The following DLG2 variants were observed in gnomAD, a reference collection of about 807,000 sequenced individuals.
The protein encoded by DLG2 is discs large MAGUK scaffold protein 2, also known as disks large homolog 2.
DLG2 carries 45 observed loss-of-function variants against 132.5 expected under a neutral mutation model. The ratio of observed to expected loss-of-function variants is 0.34; its 90% CI spans 0.27 to 0.44. The LOEUF (loss-of-function observed/expected upper bound fraction) is 0.44. DLG2 is among the 20% of genes least tolerant of loss of function. The pLI, the probability that DLG2 is intolerant of heterozygous loss-of-function variation, is 1.00. For synonymous variants in DLG2, 424 were observed against 419.6 expected, an observed-to-expected ratio of 1.01 and a Z score of -0.13; for missense variants, 1,045 against 1,196.9, an observed-to-expected ratio of 0.87 and a Z score of 1.87.
chr11:85,142,262 G>GC (rs1318710585), intron 5 of DLG2, among the ~76,000 whole-genome samples: 4 of 151,678 alleles, frequency 2.6e-5, no homozygotes, highest in Admixed American at 2.6e-4. Context: ...TCATTGAAGA[G>GC]ATCATTTACT....
At chr11:83,660,754 T>A (rs918927065) in intron 18 of DLG2, among the ~76,000 whole-genome samples, 2 of 151,774 alleles carry the variant, frequency 1.3e-5, no homozygotes, top group African/African-American at 4.8e-5. Context: ...CATAAGGGGG[T>A]GGCTGATGGA....
At chr11:84,852,877 T>C (rs2082325237) in intron 6 of DLG2, among the ~76,000 whole-genome samples, 1 of 151,812 alleles carries the variant, frequency 6.6e-6, no homozygotes, top group Non-Finnish European at 1.5e-5. Context: ...AAAAATAAAA[T>C]AAAAAAGTTG....
chr11:84,914,305 C>T (rs112311311), intron 6 of DLG2, among the ~76,000 whole-genome samples: 16 of 152,104 alleles, frequency 1.1e-4, no homozygotes, highest in Non-Finnish European at 2.4e-4. Flanking sequence ...CTCCCATGGT[C>T]AAATGACTTT....
intron 6 of DLG2, chr11:84,997,162 A>C (rs2057733390): frequency 2.0e-5 from 3 of 153,172 alleles, no homozygotes; most frequent in Non-Finnish European, 4.4e-5. Context: ...GGCCAGTAAT[A>C]GTACACTAAG....
intron 5 of DLG2, among the ~76,000 whole-genome samples, chr11:85,118,647 T>C (rs1372307424): frequency 6.6e-6 from 1 of 151,986 alleles, no homozygotes; most frequent in South Asian, 2.1e-4. Context: ...CACCATTAGA[T>C]CCCAGGCACT....
chr11:83,896,167 C>G (rs1009240374), intron 15 of DLG2, among the ~76,000 whole-genome samples: 5 of 152,138 alleles, frequency 3.3e-5, no homozygotes, highest in African/African-American at 9.7e-5. Context: ...TTTACTGCCA[C>G]TTGAGAATAC....
chr11:84,124,847 C>CCT (rs1555361342), intron 9 of DLG2, among the ~76,000 whole-genome samples: 2 of 121,230 alleles, frequency 1.6e-5, no homozygotes, highest in Non-Finnish European at 3.3e-5. Flanking sequence ...CTTGTTTTCA[C>CCT]TTTTTTTTTT....
chr11:84,655,730 T>TG (rs1199330974), intron 6 of DLG2, among the ~76,000 whole-genome samples: 5 of 146,252 alleles, frequency 3.4e-5, no homozygotes, highest in African/African-American at 1.3e-4. Flanking sequence ...CTTTGTTTTT[T>TG]TTTGTTTGTT....
chr11:83,582,105 C>T (rs1037120520), intron 19 of DLG2, among the ~76,000 whole-genome samples: 6 of 151,820 alleles, frequency 4.0e-5, no homozygotes, highest in Non-Finnish European at 7.4e-5. Flanking sequence ...TACAGGCAAG[C>T]GCCATCACAC....
Position 83,949,007 on chromosome 11 carries a change from A to T in DLG2, c.1340+13878T>A, listed in dbSNP as rs189391648. On this transcript the variant is annotated intron_variant, in intron 14 of 27. Transcript: ENST00000376104. ...ATTTTATGGAAAATACTTAGCATAG[A>T]CTGGCATATATATGGTAGAAATTCA... Among the ~76,000 whole-genome samples the T allele has an allele frequency of 2.5e-3, 382 of 152,350 alleles. 2 individuals carry two copies. Among genetic ancestry groups the T allele is most frequent in the African/African-American group, 8.9e-3 (369 of 41,588 alleles).
chr11:84,066,847 T>TC (rs1390730582), intron 10 of DLG2, among the ~76,000 whole-genome samples: 1 of 152,170 alleles, frequency 6.6e-6, no homozygotes, highest in Non-Finnish European at 1.5e-5. Context: ...TTGAAGAATG[T>TC]CCCCTAATTA....
At chr11:84,653,781 G>A (rs2099684883) in intron 6 of DLG2, among the ~76,000 whole-genome samples, 1 of 152,170 alleles carries the variant, frequency 6.6e-6, no homozygotes, top group African/African-American at 2.4e-5. Flanking sequence ...TCCTCTCAGT[G>A]TCAGGCATTC....
chr11:83,810,880 A>T (rs1156525867), intron 17 of DLG2, among the ~76,000 whole-genome samples: 1 of 152,084 alleles, frequency 6.6e-6, no homozygotes, highest in East Asian at 1.9e-4. Context: ...TATATATAAG[A>T]TGATCTCCTA....
At position 83,885,358 on chromosome 11, in the gene DLG2, T is replaced by C. The variant is rs1373364342; in HGVS notation, c.1497-10870A>G. Among the ~76,000 whole-genome samples the C allele has an allele frequency of 3.3e-5, 5 of 151,890 alleles. No individual in the cohort carries two copies. In the East Asian group the frequency reaches 5.8e-4, roughly 18 times the overall value. On this transcript the variant is annotated intron_variant, in intron 15 of 27. Transcript: ENST00000376104. Reference sequence around the variant, plus strand: ...AAGAAAGGGTATCAGTGATGGAAGATGAAATGAATGAAATGAAGTGACAAA... The same window carrying C: ...AAGAAAGGGTATCAGTGATGGAAGACGAAATGAATGAAATGAAGTGACAAA...
At chr11:85,067,941 AG>A (rs906812333) in intron 6 of DLG2, among the ~76,000 whole-genome samples, 38 of 152,082 alleles carry the variant, frequency 2.5e-4, no homozygotes, top group African/African-American at 8.0e-4. Flanking sequence ...CACATCAAAA[AG>A]CTTATCCACC....
Position 83,469,267 on chromosome 11 carries a change from T to C in DLG2, c.2553A>G (p.Glu851=). 1 of 1,613,832 alleles carries C rather than the reference T, an allele frequency of 6.2e-7. No individual in the cohort carries two copies. The highest frequency in any genetic ancestry group is 2.2e-5 in the East Asian group (1 of 44,866). The part of the protein sequence containing the change: ...EKDIQEHKFI[E]AGQYNDNLYG... ...ATAAATTGTCATTGTACTGGCCGGCTTCTATAAACTTGTGCTCTTGGATAT... is the reference window on the plus strand; with the variant it reads ...ATAAATTGTCATTGTACTGGCCGGCCTCTATAAACTTGTGCTCTTGGATAT... The change falls in exon 25 of 28, where the codon GAA becomes GAG. Residue 851 remains glutamate, a synonymous_variant. Coordinates refer to ENST00000376104, the MANE Select transcript of DLG2 (RefSeq NM_001142699.3).
chr11:85,522,448 C>A (rs2074390114), intron 3 of DLG2, among the ~76,000 whole-genome samples: 1 of 152,172 alleles, frequency 6.6e-6, no homozygotes, highest in Non-Finnish European at 1.5e-5. Context: ...ACAGAATCCC[C>A]CCTAGGGCAC....
intron 3 of DLG2, among the ~76,000 whole-genome samples, chr11:85,564,825 T>C (rs2153224391): frequency 1.3e-5 from 2 of 152,110 alleles, no homozygotes; most frequent in Middle Eastern, 3.4e-3. Context: ...TATAGAGCAA[T>C]TTGGGGAGAA....
At chr11:84,859,206 G>T (rs1275535865) in intron 6 of DLG2, among the ~76,000 whole-genome samples, 9 of 150,550 alleles carry the variant, frequency 6.0e-5, no homozygotes, top group Non-Finnish European at 1.2e-4. Context: ...AATGTAATTT[G>T]TTGCTCTTAA....
Sources: gnomAD v4.1 joint callset for allele counts (sites outside exome capture counted in the v4.1 genomes callset) on GRCh38, gnomAD v4.1.1 for gene constraint, MANE v1.5 for transcripts, NCBI Gene and HGNC (gene_info 2026-07-23, HGNC 2026-07-21) for gene names.